Variants in IMMP2L observed in about 807,000 individuals in gnomAD.
IMMP2L encodes mitochondrial inner membrane protease subunit 2.
In IMMP2L, 18 loss-of-function variants were observed where a neutral mutation model predicts 19.3. The ratio of observed to expected loss-of-function variants is 0.93; its 90% CI spans 0.64 to 1.38. The LOEUF is 1.38. Among genes scored for constraint, IMMP2L ranks in the 40% most tolerant of loss-of-function variants. IMMP2L has a pLI of 0.00. For synonymous variants in IMMP2L, 76 were observed against 73.0 expected (o/e 1.04, Z -0.21); for missense variants, 233 against 218.2 (o/e 1.07, Z -0.43).
chr7:111,444,365 G>A (rs1386944915), intron 3 of IMMP2L, among the ~76,000 whole-genome samples: 2 of 152,030 alleles, frequency 1.3e-5, no homozygotes, highest in Non-Finnish European at 2.9e-5. Flanking sequence ...AAGACTGCTT[G>A]GTTCAAATTC....
intron 3 of IMMP2L, among the ~76,000 whole-genome samples, chr7:111,259,190 G>A (rs550250773): frequency 5.0e-4 from 76 of 152,236 alleles, no homozygotes; most frequent in African/African-American, 1.8e-3. Context: ...TAAGCTCCAA[G>A]AATGGAGCTT....
chr7:110,874,283 G>A (rs1398926911), intron 5 of IMMP2L, among the ~76,000 whole-genome samples: 1 of 151,894 alleles, frequency 6.6e-6, no homozygotes, highest in African/African-American at 2.4e-5. Flanking sequence ...TAAAGGATGG[G>A]AATAATATAT....
intron 3 of IMMP2L, among the ~76,000 whole-genome samples, chr7:111,018,784 CTTTTTATTATTA>C (rs984654236): frequency 5.8e-5 from 7 of 120,968 alleles, no homozygotes; most frequent in Non-Finnish European, 1.2e-4. Context: ...AATTGTGTGT[CTTTTTATTATTA>C]TTATTATTAT....
At chr7:110,938,890 C>T (rs1308021579) in intron 4 of IMMP2L, among the ~76,000 whole-genome samples, 1 of 152,022 alleles carries the variant, frequency 6.6e-6, no homozygotes, top group Non-Finnish European at 1.5e-5. Flanking sequence ...AATAATTTTT[C>T]TTGACTCTAT....
chr7:111,149,714 C>T (rs1344036051), intron 3 of IMMP2L, among the ~76,000 whole-genome samples: 1 of 152,060 alleles, frequency 6.6e-6, no homozygotes, highest in Non-Finnish European at 1.5e-5. Flanking sequence ...CCACACTGTT[C>T]AAGTATCAAC....
At chr7:110,944,884 A>G (rs1817099261) in intron 4 of IMMP2L, among the ~76,000 whole-genome samples, 1 of 151,954 alleles carries the variant, frequency 6.6e-6, no homozygotes, top group South Asian at 2.1e-4. Flanking sequence ...AACTGCACTG[A>G]CATACATTTA....
In IMMP2L at chr7:110,663,467, T is replaced by C. The variant is rs1791210216; in HGVS notation, c.*135A>G. The C allele has an allele frequency of 1.2e-5, 8 of 688,160 alleles. No individual in the cohort carries two copies. Among genetic ancestry groups the C allele is most frequent in the Non-Finnish European group, 1.7e-5 (7 of 407,600 alleles). The allele number at this position is 688,160 out of a possible 1,614,324, so 42.6% of individuals were successfully genotyped here. ...AAAATTATTTATTTAATAATACAGA[T>C]CGTTTTAATGTGCTGTAAATATTTC... On this transcript the variant is annotated 3_prime_UTR_variant, in exon 6 of 6. Transcript: ENST00000405709.
At chr7:111,416,326 T>C (rs1834952715) in intron 3 of IMMP2L, among the ~76,000 whole-genome samples, 1 of 151,910 alleles carries the variant, frequency 6.6e-6, no homozygotes, top group Non-Finnish European at 1.5e-5. Context: ...TCATAGCAGT[T>C]CACACAATTG....
At chr7:111,280,798 G>A (rs994397221) in intron 3 of IMMP2L, among the ~76,000 whole-genome samples, 5 of 152,058 alleles carry the variant, frequency 3.3e-5, no homozygotes, top group Non-Finnish European at 5.9e-5. Context: ...GGCCGGGTGC[G>A]GTGGCTCAGG....
chr7:110,797,448 A>G (rs1378356269), intron 5 of IMMP2L, among the ~76,000 whole-genome samples: 3 of 152,038 alleles, frequency 2.0e-5, no homozygotes, highest in Non-Finnish European at 4.4e-5. Context: ...CATGCTTTCA[A>G]TATCATCTTC....
At chr7:111,002,693 C>T (rs1823839994) in intron 3 of IMMP2L, among the ~76,000 whole-genome samples, 4 of 152,254 alleles carry the variant, frequency 2.6e-5, no homozygotes, top group South Asian at 4.1e-4. Context: ...AATGTTTCCA[C>T]CACCCTGATC....
chr7:110,819,124 A>C (rs1409602530), intron 5 of IMMP2L, among the ~76,000 whole-genome samples: 2 of 152,050 alleles, frequency 1.3e-5, no homozygotes, highest in Non-Finnish European at 2.9e-5. Context: ...ACAAAATAAA[A>C]AAAAGAAAAA....
intron 3 of IMMP2L, among the ~76,000 whole-genome samples, chr7:111,140,816 CTA>C (rs2129598180): frequency 6.6e-6 from 1 of 152,268 alleles, no homozygotes; most frequent in African/African-American, 2.4e-5. Context: ...GAAAAATAGT[CTA>C]TTCTTCCACT....
intron 3 of IMMP2L, among the ~76,000 whole-genome samples, chr7:111,243,629 T>C (rs1317165132): frequency 9.8e-5 from 12 of 121,872 alleles, no homozygotes; most frequent in Non-Finnish European, 2.0e-4. Flanking sequence ...ATGTGTCATC[T>C]AGCATTAGGT....
chr7:111,309,675 A>G (rs762213301), intron 3 of IMMP2L, among the ~76,000 whole-genome samples: 12 of 152,162 alleles, frequency 7.9e-5, no homozygotes, highest in Non-Finnish European at 1.5e-4. Flanking sequence ...CAATTAGCTA[A>G]AAGTTTAAAT....
chr7:110,895,800 T>C (rs1482533349), intron 4 of IMMP2L, among the ~76,000 whole-genome samples: 1 of 152,226 alleles, frequency 6.6e-6, no homozygotes, highest in Non-Finnish European at 1.5e-5. Context: ...AAAGATATTT[T>C]AAAATTGTAA....
intron 5 of IMMP2L, among the ~76,000 whole-genome samples, chr7:110,844,661 G>A (rs1433326876): frequency 1.5e-5 from 1 of 66,528 alleles, no homozygotes; most frequent in Non-Finnish European, 2.9e-5. Context: ...AGACAGAGTG[G>A]GAGATAAAGC....
At chr7:110,828,609 C>T (rs1803703260) in intron 5 of IMMP2L, among the ~76,000 whole-genome samples, 1 of 152,090 alleles carries the variant, frequency 6.6e-6, no homozygotes, top group African/African-American at 2.4e-5. Context: ...ATAAATGTGA[C>T]CTTAGGTGAT....
chr7:110,755,786 G>A (rs1350656954), intron 5 of IMMP2L, among the ~76,000 whole-genome samples: 1 of 152,038 alleles, frequency 6.6e-6, no homozygotes, highest in South Asian at 2.1e-4. Flanking sequence ...AGGTGCTGTA[G>A]GAAACAACAT....
Sources: allele counts gnomAD v4.1 joint callset (sites outside exome capture counted in the v4.1 genomes callset), GRCh38; gene constraint gnomAD v4.1.1; transcripts MANE v1.5; gene names NCBI Gene and HGNC (gene_info 2026-07-23, HGNC 2026-07-21).